SKAP2: variants seen among roughly 807,000 people sequenced by gnomAD.
SKAP2 encodes the protein src kinase associated phosphoprotein 2.
SKAP2 carries 28 observed loss-of-function variants against 54.9 expected under a neutral mutation model. That is an observed-to-expected ratio of 0.51 (90% CI 0.38 to 0.70). SKAP2 has a LOEUF of 0.70. Ranked by LOEUF, SKAP2 falls within the 30% of genes least tolerant of loss-of-function variation. SKAP2 has a pLI of 0.00. For synonymous variants in SKAP2, 137 were observed against 134.3 expected, an observed-to-expected ratio of 1.02 and a Z score of -0.14; for missense variants, 356 against 424.1, an observed-to-expected ratio of 0.84 and a Z score of 1.41.
At chr7:26,701,698 C>G (rs773305192) in intron 9 of SKAP2, among the ~76,000 whole-genome samples, 18 of 151,950 alleles carry the variant, frequency 1.2e-4, no homozygotes, top group Non-Finnish European at 1.8e-4. Context: ...GCACTCTGGC[C>G]TGGGCGACAG....
chr7:26,662,965 C>G (rs1237422434), downstream of SKAP2, among the ~76,000 whole-genome samples: 1 of 152,036 alleles, frequency 6.6e-6, no homozygotes, highest in Admixed American at 6.6e-5. Flanking sequence ...CAGGGAGCAA[C>G]AGAGACTCTA....
intron 6 of SKAP2, among the ~76,000 whole-genome samples, chr7:26,736,234 C>A (rs1787937415): frequency 6.6e-6 from 1 of 152,120 alleles, no homozygotes; most frequent in Admixed American, 6.5e-5. Flanking sequence ...ATCACAAAGA[C>A]CTTGCTGATA....
chr7:26,710,416 T>C (rs1301849915), intron 9 of SKAP2, among the ~76,000 whole-genome samples: 1 of 152,202 alleles, frequency 6.6e-6, no homozygotes, highest in African/African-American at 2.4e-5. Context: ...CAGAGGTCAC[T>C]TCATGCTGGG....
At chr7:26,791,013 G>A (rs1345632969) in intron 4 of SKAP2, among the ~76,000 whole-genome samples, 2 of 151,700 alleles carry the variant, frequency 1.3e-5, no homozygotes, top group African/African-American at 4.8e-5. Flanking sequence ...TATAACTCTT[G>A]AACATCACAT....
intron 1 of SKAP2, 73 bp from the exon 2 acceptor site, chr7:26,854,963 T>A: frequency 9.5e-7 from 1 of 1,048,338 alleles, no homozygotes; most frequent in Non-Finnish European, 1.4e-6. Context: ...AATAGGACAA[T>A]GATTGTTTCT....
chr7:26,685,033 C>T (rs572005218), intron 10 of SKAP2, among the ~76,000 whole-genome samples, 185 bp from the exon 11 acceptor site: 16 of 152,256 alleles, frequency 1.1e-4, no homozygotes, highest in African/African-American at 3.1e-4. Context: ...CTCTTAAGAC[C>T]GCTTTCAAAA....
Position 26,753,516 on chromosome 7 carries a change from GA to G in SKAP2, c.308-13553del, listed in dbSNP as rs1318386220. 7.2e-5 allele frequency among the ~76,000 whole-genome samples: 11 copies of G among 152,140 alleles called. No homozygotes were observed. In the East Asian group the frequency reaches 1.3e-3, roughly 19 times the overall value. On this transcript the variant is annotated intron_variant, in intron 4 of 12. Coordinates refer to ENST00000345317, the MANE Select transcript of SKAP2 (RefSeq NM_003930.5). ...CTGCAATCAGTACACACTGAAAACAGAAGGAAAATCCCCAAAATATAAATGA... is the reference window on the plus strand; with the variant it reads ...CTGCAATCAGTACACACTGAAAACAGAGGAAAATCCCCAAAATATAAATGA...
At chr7:26,707,775 C>T (rs759700999) in intron 9 of SKAP2, among the ~76,000 whole-genome samples, 11 of 152,124 alleles carry the variant, frequency 7.2e-5, no homozygotes, top group Non-Finnish European at 1.5e-4. Context: ...TTCTGTTTTT[C>T]CAGGGCTGGA....
At chr7:26,708,201 G>T (rs907801747) in intron 9 of SKAP2, among the ~76,000 whole-genome samples, 1 of 152,208 alleles carries the variant, frequency 6.6e-6, no homozygotes. Flanking sequence ...CTAAGCTAGA[G>T]ATTCAAAACA....
chr7:26,837,362 G>A (rs1456862097), intron 4 of SKAP2, among the ~76,000 whole-genome samples: 1 of 151,990 alleles, frequency 6.6e-6, no homozygotes, highest in Non-Finnish European at 1.5e-5. Context: ...GGTTTAATTG[G>A]CTTATGGTTC....
intron 4 of SKAP2, among the ~76,000 whole-genome samples, chr7:26,752,763 C>T (rs1298913247): frequency 1.3e-5 from 2 of 152,156 alleles, no homozygotes; most frequent in Non-Finnish European, 2.9e-5. Flanking sequence ...TTTGCAGGGA[C>T]ATAAACCTGG....
intron 9 of SKAP2, among the ~76,000 whole-genome samples, chr7:26,697,112 T>C (rs1786910913): frequency 6.6e-6 from 1 of 152,156 alleles, no homozygotes; most frequent in Non-Finnish European, 1.5e-5. Flanking sequence ...TTCAGTTTCC[T>C]CATTTCACAG....
chr7:26,719,260 G>C (rs1014738127), intron 9 of SKAP2, among the ~76,000 whole-genome samples: 1 of 152,168 alleles, frequency 6.6e-6, no homozygotes, highest in Admixed American at 6.5e-5. Context: ...AGTATGGCTT[G>C]TTGTGAAGTA....
chr7:26,839,831 G>T (rs887428451), intron 4 of SKAP2, among the ~76,000 whole-genome samples: 1 of 151,906 alleles, frequency 6.6e-6, no homozygotes, highest in Admixed American at 6.6e-5. Flanking sequence ...ACACGGACAG[G>T]TTTATATCTA....
At chr7:26,823,441 A>T (rs1446242654) in intron 4 of SKAP2, among the ~76,000 whole-genome samples, 1 of 151,512 alleles carries the variant, frequency 6.6e-6, no homozygotes, top group East Asian at 1.9e-4. Context: ...AAAAAAAAAA[A>T]AAAACAAGCA....
intron 4 of SKAP2, among the ~76,000 whole-genome samples, chr7:26,740,766 A>G (rs1782425057): frequency 6.6e-6 from 1 of 152,096 alleles, no homozygotes; most frequent in Non-Finnish European, 1.5e-5. Context: ...CGGGTGGATC[A>G]CTTGAGGACA....
chr7:26,842,899 T>C (rs1259877248), intron 4 of SKAP2, among the ~76,000 whole-genome samples: 3 of 151,926 alleles, frequency 2.0e-5, no homozygotes, highest in Non-Finnish European at 4.4e-5. Context: ...AAACCCTCCC[T>C]TTAAAAATAG....
At chr7:26,711,127 G>GT (rs1246668135) in intron 9 of SKAP2, among the ~76,000 whole-genome samples, 1 of 152,152 alleles carries the variant, frequency 6.6e-6, no homozygotes, top group Non-Finnish European at 1.5e-5. Flanking sequence ...ATATAATGGT[G>GT]TAATAAATAT....
At chr7:26,696,041 T>C (rs1194525362) in intron 9 of SKAP2, among the ~76,000 whole-genome samples, 1 of 152,172 alleles carries the variant, frequency 6.6e-6, no homozygotes, top group Non-Finnish European at 1.5e-5. Flanking sequence ...TTGGAAAAGT[T>C]AGAGTCGAAT....
Sources: gnomAD v4.1 joint callset for allele counts (sites outside exome capture counted in the v4.1 genomes callset) on GRCh38, gnomAD v4.1.1 for gene constraint, MANE v1.5 for transcripts, NCBI Gene and HGNC (gene_info 2026-07-23, HGNC 2026-07-21) for gene names.